CYB5R3: variants seen among roughly 807,000 people sequenced by gnomAD.
The protein encoded by CYB5R3 is NADH-cytochrome b5 reductase 3.
CYB5R3 carries 28 observed loss-of-function variants against 36.5 expected under a neutral mutation model. The observed-to-expected ratio is 0.77, with a 90% CI of 0.57 to 1.05. The LOEUF (loss-of-function observed/expected upper bound fraction) is 1.05, where lower values mean the gene tolerates loss of function less well. Among genes scored for constraint, CYB5R3 ranks in the 50% least tolerant of loss-of-function variants. The pLI is 0.00. For missense variants in CYB5R3, 474 were observed against 408.9 expected, an observed-to-expected ratio of 1.16 and a Z score of -1.37; for synonymous variants, 181 against 159.8, an observed-to-expected ratio of 1.13 and a Z score of -1.00.
chr22:42,623,385 G>C (rs1928086516), intron 8 of CYB5R3, among the ~76,000 whole-genome samples: 1 of 152,322 alleles, frequency 6.6e-6, no homozygotes, highest in South Asian at 2.1e-4. Flanking sequence ...CAATGGGAGA[G>C]AAGATGGCCT....
Position 42,627,347 on chromosome 22 carries a change from T to C in CYB5R3, c.590A>G (p.Asp197Gly). The C allele has an allele frequency of 1.2e-6, 2 of 1,613,882 alleles. No homozygotes were observed. Among genetic ancestry groups the C allele is most frequent in the Non-Finnish European group, 1.7e-6 (2 of 1,179,976 alleles). The change falls in exon 7 of 9, where the codon GAC becomes GGC. Residue 197 changes from aspartate to glycine, a missense_variant. Coordinates refer to ENST00000352397, the MANE Select transcript of CYB5R3 (RefSeq NM_000398.7). ...MLQVIRAIMKDPDDHTVCHLL... is the reference protein window; with the variant it reads ...MLQVIRAIMKGPDDHTVCHLL... ...GTGGCACACAGTGTGGTCATCAGGG[T>C]CCTTCATGATGGCGCGGATCACCTG...
At chr22:42,627,164 C>T (rs1442868214) in intron 7 of CYB5R3, 140 bp downstream of exon 7, 4 of 773,024 alleles carry the variant, frequency 5.2e-6, no homozygotes, top group Non-Finnish European at 8.9e-6. Context: ...CGCCAGTGCA[C>T]AGAACATTCA....
intron 1 of CYB5R3, among the ~76,000 whole-genome samples, chr22:42,647,944 G>A (rs902694356): frequency 5.9e-5 from 9 of 152,180 alleles, no homozygotes; most frequent in Non-Finnish European, 4.4e-5. Context: ...CCAGCTGGAA[G>A]GTATGGAACA....
Position 42,618,480 on chromosome 22 carries a change from T to G in CYB5R3, c.*1293A>C, listed in dbSNP as rs945219076. The G allele has an allele frequency of 7.4e-6, 1 of 135,304 alleles. No individual in the cohort carries two copies. Among genetic ancestry groups the G allele is most frequent in the East Asian group, 2.1e-4 (1 of 4,754 alleles). The allele number at this position is 135,304 out of a possible 1,614,324, so 8.4% of individuals were successfully genotyped here. A position where few individuals can be genotyped will look rare whatever the true frequency, so the allele number is the denominator to read the frequency against. On this transcript the variant is annotated 3_prime_UTR_variant, in exon 9 of 9. Transcript: ENST00000352397. ...TGAACCCGGGAGGCGGAGCTTGCAG[T>G]GAGCCGAGATCCCGCCACTGCACTC...
Position 42,627,392 on chromosome 22 carries a change from G to A in CYB5R3, c.548-3C>T, listed in dbSNP as rs931010249. The A allele has an allele frequency of 3.1e-6, 5 of 1,613,402 alleles. No homozygotes were observed. In the Admixed American group the frequency reaches 5.0e-5, roughly 16 times the overall value. On this transcript the variant is annotated splice_polypyrimidine_tract_variant and splice_region_variant and intron_variant, in intron 6 of 8. Coordinates refer to ENST00000352397, the MANE Select transcript of CYB5R3 (RefSeq NM_000398.7). Reference sequence around the variant, plus strand: ...CACCTGCAGCATCGGGGTGATGCCTGCAAAATAGCCGGCCGGGCCTCGCAC... The same window carrying A: ...CACCTGCAGCATCGGGGTGATGCCTACAAAATAGCCGGCCGGGCCTCGCAC...
At chr22:42,639,340 G>C (rs376882494) in intron 1 of CYB5R3, among the ~76,000 whole-genome samples, 44,561 of 146,498 alleles carry the variant, frequency 0.3, 7,863 homozygotes, top group South Asian at 0.45. Context: ...AAAAAAAGTG[G>C]GGGGGGACCG....
intron 6 of CYB5R3, 105 bp downstream of exon 6, chr22:42,627,500 C>A (rs537511314): frequency 1.4e-6 from 2 of 1,470,570 alleles, no homozygotes; most frequent in South Asian, 1.1e-5. Flanking sequence ...GCCTGGGCCC[C>A]TGACCTCTGG....
chr22:42,631,032 C>T lies in CYB5R3; in HGVS notation c.227-44G>A, dbSNP rs368934201. Reference sequence around the variant, plus strand: ...TCACTCTGGGCCAGAGATCATCCTGCGGGTGACCCCTGGGTCTTGTCAACC... The same window carrying T: ...TCACTCTGGGCCAGAGATCATCCTGTGGGTGACCCCTGGGTCTTGTCAACC... On this transcript the variant is annotated intron_variant, in intron 3 of 8. Coordinates refer to ENST00000352397, the MANE Select transcript of CYB5R3 (RefSeq NM_000398.7). The T allele has an allele frequency of 9.6e-5, 148 of 1,545,136 alleles. No homozygotes were observed. The African/African-American group carries it at 1.8e-3, about 19-fold the overall frequency.
chr22:42,637,724 G>C (rs1012595177), intron 1 of CYB5R3, among the ~76,000 whole-genome samples: 1 of 152,190 alleles, frequency 6.6e-6, no homozygotes, highest in African/African-American at 2.4e-5. Context: ...GGCTCTCGCA[G>C]CAACCCCGTG....
chr22:42,621,252 A>G (rs1927956749), intron 8 of CYB5R3, among the ~76,000 whole-genome samples: 1 of 151,196 alleles, frequency 6.6e-6, no homozygotes, highest in African/African-American at 2.4e-5. Flanking sequence ...ATGTTGCCCC[A>G]GCTGGCAGGC....
intron 5 of CYB5R3, 105 bp downstream of exon 5, chr22:42,628,047 C>T (rs888532953): frequency 1.9e-5 from 28 of 1,494,272 alleles, no homozygotes; most frequent in Admixed American, 3.3e-5. Flanking sequence ...TGACGAGAGT[C>T]ACCCATCCAC....
intron 1 of CYB5R3, chr22:42,644,292 C>T (rs1929431300): frequency 3.0e-6 from 2 of 667,288 alleles, no homozygotes; most frequent in Non-Finnish European, 5.5e-6. Flanking sequence ...CCCGGGGGTC[C>T]GAACCAACAG....
chr22:42,631,451 C>A lies in CYB5R3; in HGVS notation c.154-1G>T. ...AGCGCCGGGTGTCATGGCTGATGAT[C>A]TGGAGAGAGGCCCAAAGCTGCTGAA... On this transcript the variant is annotated splice_acceptor_variant, in intron 2 of 8. Coordinates refer to ENST00000352397, the MANE Select transcript of CYB5R3 (RefSeq NM_000398.7). LOFTEE classifies it high-confidence loss of function. 6.4e-7 allele frequency: 1 copy of A among 1,551,598 alleles called. No homozygotes were observed. Among genetic ancestry groups the A allele is most frequent in the Non-Finnish European group, 8.7e-7 (1 of 1,146,956 alleles).
At chr22:42,646,688 C>T (rs1054500910) in intron 1 of CYB5R3, 1 of 985,648 alleles carries the variant, frequency 1.0e-6, no homozygotes. Context: ...CTGAGCGGCA[C>T]CTCCCTCCTG....
intron 1 of CYB5R3, chr22:42,640,328 C>CG: frequency 7.0e-7 from 1 of 1,418,934 alleles, no homozygotes; most frequent in South Asian, 1.3e-5. Context: ...GGTCACCCCC[C>CG]GGAAGGACCC....
chr22:42,626,437 C>T (rs1296986883), intron 7 of CYB5R3, among the ~76,000 whole-genome samples: 5 of 152,238 alleles, frequency 3.3e-5, no homozygotes, highest in South Asian at 2.1e-4. Context: ...ACACTGCCCT[C>T]GCTACCAGCT....
rs67349863 is a variant in CYB5R3, at chr22:42,638,728, T to TAAAAAAAAAAAAAAAAAAAAAA, written c.22-1904_22-1883dup. On this transcript the variant is annotated intron_variant, in intron 1 of 8. Transcript: ENST00000352397. ...GCCTGGGAGACAGAGCAAGACTCCA[T>TAAAAAAAAAAAAAAAAAAAAAA]AAAAAAAAAAAAAAAAAAAAAAGGC... is the stretch of plus-strand genomic sequence containing the variant. 2.7e-4 allele frequency among the ~76,000 whole-genome samples: 13 copies of TAAAAAAAAAAAAAAAAAAAAAA among 47,516 alleles called. No homozygotes were observed. The East Asian group carries it at 3.6e-3, about 13-fold the overall frequency. 31.2% of individuals were successfully genotyped at this position (47,516 alleles called of 152,430 possible). A position where few individuals can be genotyped will look rare whatever the true frequency, so the allele number is the denominator to read the frequency against.
intron 2 of CYB5R3, among the ~76,000 whole-genome samples, chr22:42,635,072 T>C (rs5758822): frequency 1.3e-5 from 2 of 148,328 alleles, no homozygotes; most frequent in Admixed American, 6.7e-5. Context: ...CAGGTTCACG[T>C]CATTCTCCTG....
intron 1 of CYB5R3, among the ~76,000 whole-genome samples, chr22:42,645,245 A>G (rs1186631779): frequency 6.6e-6 from 1 of 152,162 alleles, no homozygotes. Context: ...TGTATCCCCA[A>G]CACTCCACAC....
Sources: allele counts gnomAD v4.1 joint callset (sites outside exome capture counted in the v4.1 genomes callset), GRCh38; gene constraint gnomAD v4.1.1; transcripts MANE v1.5; gene names NCBI Gene and HGNC (gene_info 2026-07-23, HGNC 2026-07-21).